KCNH1: variants seen among roughly 807,000 people sequenced by gnomAD.
KCNH1 encodes voltage-gated delayed rectifier potassium channel KCNH1.
A neutral mutation model predicts 69.2 loss-of-function variants in KCNH1; 27 were observed. The observed-to-expected ratio is 0.39, with a 90% confidence interval of 0.29 to 0.54. The LOEUF is 0.54. KCNH1 is among the 20% of genes least tolerant of loss of function. The pLI is 0.68. For synonymous variants in KCNH1, 456 were observed against 487.7 expected (o/e 0.93, Z 0.86); for missense variants, 798 against 1,261.6 (o/e 0.63, Z 5.57).
chr1:211,047,968 A>C (rs1690123211), intron 5 of KCNH1, among the ~76,000 whole-genome samples: 1 of 152,114 alleles, frequency 6.6e-6, no homozygotes, highest in South Asian at 2.1e-4. Context: ...ATGGCCAAAA[A>C]ATGTGAAAAA....
intron 1 of KCNH1, among the ~76,000 whole-genome samples, chr1:211,110,741 C>G (rs1691446249): frequency 6.6e-6 from 1 of 151,910 alleles, no homozygotes; most frequent in Non-Finnish European, 1.5e-5. Flanking sequence ...AAATATTTTA[C>G]TTAAAGTTGC....
intron 7 of KCNH1, among the ~76,000 whole-genome samples, chr1:210,895,561 T>C (rs1000068418): frequency 6.6e-6 from 1 of 151,938 alleles, no homozygotes; most frequent in Non-Finnish European, 1.5e-5. Flanking sequence ...GGTGTTTAGG[T>C]GGAGGAAGAG....
intron 10 of KCNH1, among the ~76,000 whole-genome samples, chr1:210,706,286 G>A (rs1574195058): frequency 6.6e-6 from 1 of 152,204 alleles, no homozygotes; most frequent in African/African-American, 2.4e-5. Context: ...GTGCCTGGGT[G>A]GGGAGCATTC....
chr1:210,778,258 A>G (rs577042930), intron 9 of KCNH1, among the ~76,000 whole-genome samples: 1 of 152,322 alleles, frequency 6.6e-6, no homozygotes, highest in Non-Finnish European at 1.5e-5. Context: ...TTCTTAAGCC[A>G]CTAAATTTAG....
chr1:210,787,200 A>G (rs1346219256), intron 9 of KCNH1, among the ~76,000 whole-genome samples: 1 of 151,414 alleles, frequency 6.6e-6, no homozygotes, highest in African/African-American at 2.4e-5. Context: ...AAACCTTTGC[A>G]GATGCTTCTC....
chr1:210,812,283 T>C (rs1179624558), intron 7 of KCNH1, among the ~76,000 whole-genome samples: 1 of 152,176 alleles, frequency 6.6e-6, no homozygotes, highest in East Asian at 1.9e-4. Flanking sequence ...ATTTTCTAAA[T>C]ATAGACTTTA....
At chr1:210,684,257 G>T in intron 10 of KCNH1, 119 bp from the exon 11 acceptor site, 6 of 1,115,926 alleles carry the variant, frequency 5.4e-6, no homozygotes, top group Non-Finnish European at 7.2e-6. Context: ...CCACCAAGAG[G>T]CTGGGGCTCA....
At chr1:211,000,947 A>C (rs189259085) in intron 6 of KCNH1, among the ~76,000 whole-genome samples, 1,774 of 152,168 alleles carry the variant, frequency 0.012, 37 homozygotes, top group African/African-American at 0.04. Flanking sequence ...TGCTGGGAAA[A>C]CTGGCTAGCC....
At chr1:210,745,926 G>T (rs1442700602) in intron 10 of KCNH1, among the ~76,000 whole-genome samples, 2 of 135,270 alleles carry the variant, frequency 1.5e-5, no homozygotes, top group African/African-American at 6.3e-5. Flanking sequence ...GGCACTAGAG[G>T]GGGGGTGGTG....
chr1:211,078,934 A>AAAAG (rs1302462669), intron 5 of KCNH1, among the ~76,000 whole-genome samples: 5,203 of 141,404 alleles, frequency 0.037, 208 homozygotes, highest in South Asian at 0.093. Context: ...AAAAAAAAAA[A>AAAAG]AAAGAAAGAA....
intron 7 of KCNH1, chr1:210,859,133 G>T: frequency 1.7e-6 from 2 of 1,188,690 alleles, no homozygotes; most frequent in Non-Finnish European, 2.5e-6. Context: ...AGGAACACAA[G>T]CTCTTCACTA....
chr1:210,953,237 T>C (rs538276367), intron 6 of KCNH1, among the ~76,000 whole-genome samples: 3 of 152,314 alleles, frequency 2.0e-5, no homozygotes, highest in African/African-American at 4.8e-5. Context: ...CACGTGAATA[T>C]AAAGTATTTT....
At chr1:210,862,169 G>A (rs1377668638) in intron 7 of KCNH1, 5 of 1,350,128 alleles carry the variant, frequency 3.7e-6, no homozygotes, top group East Asian at 4.6e-5. Flanking sequence ...ATCTGGAGCA[G>A]CGTTGAGACA....
chr1:210,977,037 C>G (rs1009248303), intron 6 of KCNH1, among the ~76,000 whole-genome samples: 1 of 152,130 alleles, frequency 6.6e-6, no homozygotes. Flanking sequence ...TTCACAATAG[C>G]AAAGACTTGG....
chr1:210,974,008 A>C (rs899071987), intron 6 of KCNH1, among the ~76,000 whole-genome samples: 1 of 152,196 alleles, frequency 6.6e-6, no homozygotes, highest in African/African-American at 2.4e-5. Context: ...CAATTTTCAG[A>C]GTATGAGTTT....
intron 7 of KCNH1, among the ~76,000 whole-genome samples, chr1:210,891,225 T>A (rs1686742220): frequency 6.6e-6 from 1 of 152,152 alleles, no homozygotes; most frequent in Non-Finnish European, 1.5e-5. Context: ...AAAGGATGAG[T>A]TCATGTCCTT....
chr1:211,069,201 A>G (rs1024288594), intron 5 of KCNH1, among the ~76,000 whole-genome samples: 1 of 152,108 alleles, frequency 6.6e-6, no homozygotes, highest in African/African-American at 2.4e-5. Context: ...GAGGAATGAA[A>G]AGAACTCGTG....
At chr1:210,896,639 G>A (rs952607695) in intron 7 of KCNH1, among the ~76,000 whole-genome samples, 2 of 152,162 alleles carry the variant, frequency 1.3e-5, no homozygotes. Context: ...TCGACTAAAA[G>A]TGGAGGCTCT....
At chr1:210,885,459 G>A (rs1686583388) in intron 7 of KCNH1, among the ~76,000 whole-genome samples, 1 of 152,068 alleles carries the variant, frequency 6.6e-6, no homozygotes, top group Non-Finnish European at 1.5e-5. Flanking sequence ...AGGGCCCTGG[G>A]TTTCAAGCAC....
Sources: allele counts gnomAD v4.1 joint callset (sites outside exome capture counted in the v4.1 genomes callset), GRCh38; gene constraint gnomAD v4.1.1; transcripts MANE v1.5; gene names NCBI Gene and HGNC (gene_info 2026-07-23, HGNC 2026-07-21).